The following SYT2 variants were observed in gnomAD, a reference collection of about 807,000 sequenced individuals.
The protein encoded by SYT2 is synaptotagmin 2, also known as synaptotagmin-2.
In SYT2, 15 loss-of-function variants were observed where a neutral mutation model predicts 39.9. The ratio of observed to expected loss-of-function variants is 0.38; its 90% confidence interval spans 0.25 to 0.58. The LOEUF (loss-of-function observed/expected upper bound fraction) is 0.58. SYT2 is among the 20% of genes least tolerant of loss of function. The pLI, the probability that SYT2 is intolerant of heterozygous loss-of-function variation, is 0.70. For synonymous variants in SYT2, 181 were observed against 204.5 expected, an observed-to-expected ratio of 0.89 and a Z score of 0.98; for missense variants, 389 against 530.3, an observed-to-expected ratio of 0.73 and a Z score of 2.62.
At chr1:202,678,882 C>G (rs896694110) in intron 1 of SYT2, among the ~76,000 whole-genome samples, 2 of 152,144 alleles carry the variant, frequency 1.3e-5, no homozygotes, top group South Asian at 4.1e-4. Context: ...CTCCACCCCC[C>G]ACCCAACTAC....
At position 202,678,899 on chromosome 1, in the gene SYT2, AAC is replaced by A. The variant is rs145836661; in HGVS notation, c.-18+31357_-18+31358del. Among the ~76,000 whole-genome samples, 1,253 of 151,958 alleles carry A rather than the reference AAC, an allele frequency of 8.2e-3. 11 individuals are homozygous for A. Among genetic ancestry groups the A allele is most frequent in the African/African-American group, 0.028 (1,175 of 41,422 alleles). On this transcript the variant is annotated intron_variant, in intron 1 of 8. Transcript: ENST00000367268. Reference sequence around the variant, plus strand: ...CCACCCCCCACCCAACTACTGACCCAACGCCCTACATTCTGACACACATCGCC... The same window carrying A: ...CCACCCCCCACCCAACTACTGACCCAGCCCTACATTCTGACACACATCGCC...
At chr1:202,632,079 G>A (rs775964048) in intron 1 of SYT2, 6 of 985,436 alleles carry the variant, frequency 6.1e-6, no homozygotes, top group Non-Finnish European at 7.2e-6. Context: ...TGGGGTAAGA[G>A]GGGAGAAACA....
At chr1:202,670,127 C>G (rs1036957753) in intron 1 of SYT2, among the ~76,000 whole-genome samples, 4 of 152,160 alleles carry the variant, frequency 2.6e-5, no homozygotes, top group African/African-American at 7.2e-5. Flanking sequence ...TGCTATCAGC[C>G]AGGGGTCCTA....
intron 3 of SYT2, among the ~76,000 whole-genome samples, chr1:202,604,046 T>C (rs1340147055): frequency 1.3e-5 from 2 of 152,218 alleles, no homozygotes; most frequent in African/African-American, 4.8e-5. Flanking sequence ...TCAGGGTCAC[T>C]CTTCCGCCTC....
chr1:202,605,639 G>A lies in SYT2; in HGVS notation c.134C>T (p.Ala45Val), dbSNP rs963024812. The A allele has an allele frequency of 6.2e-7, 1 of 1,613,874 alleles. No homozygotes were observed. ...GAGESQEDMF[A>V]KLKEKLFNEI... The stretch of plus-strand genomic sequence containing the variant: ...ATTGAATAACTTCTCCTTCAGTTTG[G>A]CAAACATGTCCTCCTGGCTCTCCCC... The change falls in exon 2 of 9, where the codon GCC becomes GTC. Residue 45 changes from alanine (A) to valine (V), a missense_variant. Ala to Val is a moderately conservative substitution (Grantham distance 64). Transcript: ENST00000367268.
chr1:202,637,057 C>A (rs1336094925), intron 1 of SYT2, among the ~76,000 whole-genome samples: 1 of 152,096 alleles, frequency 6.6e-6, no homozygotes, highest in African/African-American at 2.4e-5. Context: ...TGGTGGTTCA[C>A]GCCTGTAATC....
chr1:202,657,930 G>A (rs1042977548), intron 1 of SYT2, among the ~76,000 whole-genome samples: 1 of 152,108 alleles, frequency 6.6e-6, no homozygotes, highest in Non-Finnish European at 1.5e-5. Flanking sequence ...TACTCAATCA[G>A]CAGGAAGTCA....
intron 1 of SYT2, among the ~76,000 whole-genome samples, chr1:202,689,100 T>C (rs1261317976): frequency 6.6e-6 from 1 of 152,140 alleles, no homozygotes; most frequent in Non-Finnish European, 1.5e-5. Context: ...GGATCTGATC[T>C]ATAAGGGAAG....
chr1:202,618,294 G>T (rs1237887665), intron 1 of SYT2, among the ~76,000 whole-genome samples: 1 of 151,982 alleles, frequency 6.6e-6, no homozygotes, highest in East Asian at 1.9e-4. Context: ...GCTGGCTCTG[G>T]GCCCAGGGCT....
Position 202,614,684 on chromosome 1 carries a change from C to T in SYT2, c.-17-8895G>A, listed in dbSNP as rs1337646276. Among the ~76,000 whole-genome samples, 1 of 152,106 alleles carries T rather than the reference C, an allele frequency of 6.6e-6. No homozygotes were observed. Among genetic ancestry groups the T allele is most frequent in the African/African-American group, 2.4e-5 (1 of 41,406 alleles). ...TGAAAAATTGATGATTGAACTGAGA[C>T]CTGAAGGGTGAGTATTTATCCAGGT... On this transcript the variant is annotated intron_variant, in intron 1 of 8. Transcript: ENST00000367268. The surrounding 1 kb of genome is among the most constrained non-coding windows in gnomAD (Gnocchi z 4.0).
intron 1 of SYT2, among the ~76,000 whole-genome samples, chr1:202,672,031 G>C (rs1692597440): frequency 6.6e-6 from 1 of 152,078 alleles, no homozygotes; most frequent in African/African-American, 2.4e-5. Flanking sequence ...ATAACAGAAA[G>C]AGATCCACAG....
chr1:202,694,092 C>G (rs1243884658), intron 1 of SYT2, among the ~76,000 whole-genome samples: 1 of 152,210 alleles, frequency 6.6e-6, no homozygotes, highest in Non-Finnish European at 1.5e-5. Context: ...CCCCATTACC[C>G]AAACACCTCC....
At chr1:202,682,692 C>T (rs908899655) in intron 1 of SYT2, among the ~76,000 whole-genome samples, 1 of 152,040 alleles carries the variant, frequency 6.6e-6, no homozygotes, top group Non-Finnish European at 1.5e-5. Context: ...TGGGGACAAC[C>T]GAGAGTCAAG....
At chr1:202,709,706 A>T (rs1163685514) in intron 1 of SYT2, among the ~76,000 whole-genome samples, 1 of 152,010 alleles carries the variant, frequency 6.6e-6, no homozygotes, top group Non-Finnish European at 1.5e-5. Flanking sequence ...TTGCTTCCAG[A>T]TGGCCCCTGC....
intron 8 of SYT2, 137 bp from the exon 9 acceptor site, chr1:202,597,100 A>C: frequency 1.4e-6 from 1 of 708,998 alleles, no homozygotes; most frequent in Non-Finnish European, 2.4e-6. Context: ...TCTCTGCTCC[A>C]GTGAAGACTG....
At position 202,599,639 on chromosome 1, in the gene SYT2, T is replaced by C. The variant is rs949590361; in HGVS notation, c.920-288A>G. On this transcript the variant is annotated intron_variant, in intron 7 of 8. Coordinates refer to ENST00000367268, the MANE Select transcript of SYT2 (RefSeq NM_177402.5). The surrounding 1 kb of genome is among the most constrained non-coding windows in gnomAD (Gnocchi z 4.4). Reference sequence around the variant, plus strand: ...AAAGAGTCTGGGGATTCATCTGTGATCCTGTACTGGGGAGTGGGTGGGGAG... The same window carrying C: ...AAAGAGTCTGGGGATTCATCTGTGACCCTGTACTGGGGAGTGGGTGGGGAG... Among the ~76,000 whole-genome samples, 1 of 152,150 alleles carries C rather than the reference T, an allele frequency of 6.6e-6. No homozygotes were observed. The highest frequency in any genetic ancestry group is 1.5e-5 in the Non-Finnish European group (1 of 68,016).
At chr1:202,695,598 T>C (rs548643487) in intron 1 of SYT2, among the ~76,000 whole-genome samples, 1 of 152,338 alleles carries the variant, frequency 6.6e-6, no homozygotes, top group African/African-American at 2.4e-5. Context: ...ACAAGTGTCA[T>C]TGAGAGATGT....
chr1:202,706,030 C>T (rs373850530), intron 1 of SYT2, among the ~76,000 whole-genome samples: 7 of 152,204 alleles, frequency 4.6e-5, no homozygotes, highest in Middle Eastern at 3.4e-3. Context: ...TAGACCCAGC[C>T]TCTCTAGGGG....
At chr1:202,652,685 G>T (rs989887634) in intron 1 of SYT2, among the ~76,000 whole-genome samples, 2 of 152,268 alleles carry the variant, frequency 1.3e-5, no homozygotes, top group East Asian at 1.9e-4. Flanking sequence ...CCTGGGAGGG[G>T]GCCGGGCATC....
Sources: gnomAD v4.1 joint callset for allele counts (sites outside exome capture counted in the v4.1 genomes callset) on GRCh38, gnomAD v4.1.1 for gene constraint, Gnocchi (gnomAD v3.1) non-coding constraint, MANE v1.5 for transcripts, NCBI Gene and HGNC (gene_info 2026-07-23, HGNC 2026-07-21) for gene names.